MSN: variants seen among roughly 807,000 people sequenced by gnomAD.
MSN encodes moesin.
A neutral mutation model predicts 48.0 loss-of-function variants in MSN; 2 were observed. The ratio of observed to expected loss-of-function variants is 0.04; its 90% CI spans 0.02 to 0.13. The LOEUF (loss-of-function observed/expected upper bound fraction) is 0.13. MSN is among the 10% of genes least tolerant of loss of function. The probability of loss-of-function intolerance (pLI) is 1.00; values close to 1 mark genes in which losing one functional copy is unlikely to be tolerated. For missense variants in MSN, 267 were observed against 470.1 expected (o/e 0.57, Z 3.99); for synonymous variants, 146 against 166.9 (o/e 0.87, Z 0.97).
rs5965006 is a variant in MSN at position 65,736,749 on chromosome X, G to A, written c.960-46G>A. ...CCGCGCCTGGCCTCCCCAGGCTTTTGTGGAGCGTTGTTATCCTGTTCTATC... is the reference window on the plus strand; with the variant it reads ...CCGCGCCTGGCCTCCCCAGGCTTTTATGGAGCGTTGTTATCCTGTTCTATC... On this transcript the variant is annotated intron_variant, in intron 8 of 12. Transcript: ENST00000360270. The A allele has an allele frequency of 0.045, 51,135 of 1,148,873 alleles. 12,166 individuals are homozygous for A. In the African/African-American group the frequency reaches 0.76, roughly 17 times the overall value. The allele number at this position is 1,148,873 out of a possible 1,213,427, so 94.7% of individuals were successfully genotyped here.
intron 11 of MSN, 129 bp from the exon 12 acceptor site, chrX:65,738,841 G>A: frequency 1.5e-6 from 1 of 675,510 alleles, no homozygotes; most frequent in Non-Finnish European, 2.3e-6. Context: ...AAGAAACTAA[G>A]GATCAGGCAG....
chrX:65,619,337 A>G (rs2070410327), intron 1 of MSN, among the ~76,000 whole-genome samples: 1 of 98,680 alleles, frequency 1.0e-5, no homozygotes, highest in African/African-American at 5.0e-5. Flanking sequence ...CATCACTTTC[A>G]GGTACACCAA....
At chrX:65,728,504 AG>A (rs2071590743) in intron 3 of MSN, among the ~76,000 whole-genome samples, 1 of 110,474 alleles carries the variant, frequency 9.1e-6, no homozygotes, top group Non-Finnish European at 1.9e-5. Context: ...CGTTTTAGCC[AG>A]GATGGTCTCG....
At chrX:65,670,680 G>A (rs1220241694) in intron 1 of MSN, among the ~76,000 whole-genome samples, 1 of 106,187 alleles carries the variant, frequency 9.4e-6, no homozygotes, top group Non-Finnish European at 1.9e-5. Context: ...CCGAGATCAC[G>A]CCACTGCACT....
chrX:65,588,501 G>T (rs978545672), exon 1 of MSN: 1 of 756,594 alleles, frequency 1.3e-6, no homozygotes, highest in Non-Finnish European at 1.6e-6. Context: ...CATGAGCTCC[G>T]GGGGCAGCAG....
At chrX:65,591,838 C>T (rs1320899848) in intron 1 of MSN, among the ~76,000 whole-genome samples, 1 of 111,190 alleles carries the variant, frequency 9.0e-6, no homozygotes, top group African/African-American at 3.3e-5. Flanking sequence ...CTTCCATCCC[C>T]TCATCCCTGC....
rs781556179 is a variant in MSN, at chrX:65,688,714, G to A, written c.12+20861G>A. Among the ~76,000 whole-genome samples the A allele has an allele frequency of 3.6e-5, 4 of 112,148 alleles. No individual in the cohort carries two copies. The Admixed American group carries it at 3.8e-4, about 11-fold the overall frequency. ...TTGTAAGTCAAGACTAATGTTTAGA[G>A]AGAGAGCACTTGGGGGCTGTGTGGG... On this transcript the variant is annotated intron_variant, in intron 1 of 12. Coordinates refer to ENST00000360270, the MANE Select transcript of MSN (RefSeq NM_002444.3).
At chrX:65,614,861 C>T (rs1399920330) in intron 1 of MSN, among the ~76,000 whole-genome samples, 1 of 61,100 alleles carries the variant, frequency 1.6e-5, no homozygotes, top group Admixed American at 2.3e-4. Flanking sequence ...CCCCTCCCCC[C>T]ACCCCACAAC....
At chrX:65,677,482 G>A (rs902892220) in intron 1 of MSN, among the ~76,000 whole-genome samples, 2 of 112,289 alleles carry the variant, frequency 1.8e-5, no homozygotes, top group Admixed American at 9.4e-5. Context: ...TGGAGTTTGC[G>A]TGTGGTGGCT....
At chrX:65,631,777 T>C (rs1218271675) in intron 1 of MSN, among the ~76,000 whole-genome samples, 1 of 111,775 alleles carries the variant, frequency 8.9e-6, no homozygotes, top group African/African-American at 3.3e-5. Context: ...TGGGCTCAAG[T>C]GATCCTCTCA....
chrX:65,716,442 AT>A lies in MSN; in HGVS notation c.13-371del, dbSNP rs1317777624. The stretch of plus-strand genomic sequence containing the variant: ...AGGTGTGCACCACCATGCCCGGATA[AT>A]TTTTGTATTTTTAGTAGAGATGGGG... On this transcript the variant is annotated intron_variant, in intron 1 of 12. Transcript: ENST00000360270. 9 of 245,397 alleles carry A rather than the reference AT, an allele frequency of 3.7e-5. No homozygotes were observed. The South Asian group carries it at 3.7e-4, about 10-fold the overall frequency. 20.2% of individuals were successfully genotyped at this position (245,397 alleles called of 1,213,427 possible).
At chrX:65,737,746 A>G (rs778538435) in intron 10 of MSN, among the ~76,000 whole-genome samples, 1 of 112,455 alleles carries the variant, frequency 8.9e-6, no homozygotes, top group African/African-American at 3.2e-5. Flanking sequence ...CAGATAAGGA[A>G]ATTAGAGCTC....
chrX:65,658,436 C>T (rs2070798005), intron 1 of MSN, among the ~76,000 whole-genome samples: 1 of 111,869 alleles, frequency 8.9e-6, no homozygotes. Context: ...GTTAATTCTT[C>T]CTGCAAGAAA....
intron 2 of MSN, among the ~76,000 whole-genome samples, chrX:65,725,541 G>T (rs1488257008): frequency 9.0e-6 from 1 of 110,829 alleles, no homozygotes. Context: ...TGGGCCTTGG[G>T]CCCTGTTTAG....
chrX:65,672,866 ATTCT>A (rs1444356237), intron 1 of MSN, among the ~76,000 whole-genome samples: 5 of 111,771 alleles, frequency 4.5e-5, no homozygotes, highest in Non-Finnish European at 9.4e-5. Flanking sequence ...TCCTTCAGAC[ATTCT>A]TTCTTCAACA....
At chrX:65,624,564 A>ATT (rs2070485854) in intron 1 of MSN, 1 of 84,531 alleles carries the variant, frequency 1.2e-5, no homozygotes, top group African/African-American at 8.5e-5. Flanking sequence ...TTTTGTGTTT[A>ATT]GTGGGTTTTT....
In MSN at chrX:65,735,390, G is replaced by A; in HGVS notation, c.919G>A (p.Ala307Thr). Residue 307 changes from alanine (A) to threonine (T), a missense_variant, in exon 8 of 13, where the codon GCA becomes ACA. Transcript: ENST00000360270. The stretch of plus-strand genomic sequence containing the variant: ...TACCATTGAGGTGCAGCAGATGAAG[G>A]CACAGGCCCGGGAGGAGAAGCACCA... ...PDTIEVQQMK[A>T]QAREEKHQKQ... 2 of 1,208,947 alleles carry A rather than the reference G, an allele frequency of 1.7e-6. No individual in the cohort carries two copies. Among genetic ancestry groups the A allele is most frequent in the Non-Finnish European group, 2.2e-6 (2 of 894,073 alleles).
At chrX:65,668,501 C>T (rs995740005) in intron 1 of MSN, among the ~76,000 whole-genome samples, 1 of 111,786 alleles carries the variant, frequency 8.9e-6, no homozygotes, top group Non-Finnish European at 1.9e-5. Flanking sequence ...CCGGTTTCTC[C>T]CTCCTCTCCA....
chrX:65,625,040 G>C, intron 1 of MSN: 1 of 111,300 alleles, frequency 9.0e-6, no homozygotes, highest in Non-Finnish European at 1.9e-5. Flanking sequence ...TTTCTTCTTT[G>C]ACTCATTGGT....
Sources: allele counts gnomAD v4.1 joint callset (sites outside exome capture counted in the v4.1 genomes callset), GRCh38; gene constraint gnomAD v4.1.1; transcripts MANE v1.5; gene names NCBI Gene and HGNC (gene_info 2026-07-23, HGNC 2026-07-21).